KIF1B: variants seen among roughly 807,000 people sequenced by gnomAD.
KIF1B encodes kinesin-like protein KIF1B.
KIF1B carries 76 observed loss-of-function variants against 241.9 expected under a neutral mutation model. That is an observed-to-expected ratio of 0.31 (90% CI 0.26 to 0.38). KIF1B has a LOEUF of 0.38. Ranked by LOEUF, KIF1B falls within the 10% of genes least tolerant of loss-of-function variation. The pLI is 1.00. For synonymous variants in KIF1B, 750 were observed against 796.7 expected, an observed-to-expected ratio of 0.94 and a Z score of 0.99; for missense variants, 1,622 against 2,271.4, an observed-to-expected ratio of 0.71 and a Z score of 5.81.
Position 10,326,246 on chromosome 1 carries a change from G to A in KIF1B, c.2811G>A (p.Glu937=). 6.5e-7 allele frequency: 1 copy of A among 1,546,558 alleles called. No homozygotes were observed. Among genetic ancestry groups the A allele is most frequent in the Non-Finnish European group, 8.9e-7 (1 of 1,118,266 alleles). Residue 937 remains glutamate (E), a synonymous_variant, in exon 27 of 49, where the codon GAG becomes GAA. Transcript: ENST00000676179. The surrounding 1 kb of genome is among the most constrained non-coding windows in gnomAD (Gnocchi z 5.2). The stretch of plus-strand genomic sequence containing the variant: ...ATGAGATGGAGGATTTTGATGATGA[G>A]GCATTCGTGGATGACGCCGGCTCTG... ...QQDEMEDFDD[E]AFVDDAGSDA... is the part of the protein sequence containing the mutation.
intron 28 of KIF1B, among the ~76,000 whole-genome samples, chr1:10,334,865 T>A (rs2102312832): frequency 6.6e-6 from 1 of 152,270 alleles, no homozygotes; most frequent in East Asian, 1.9e-4. Flanking sequence ...TACTTTGCAA[T>A]AATGGGGTAA....
At chr1:10,331,094 C>CAA (rs57812252) in intron 27 of KIF1B, among the ~76,000 whole-genome samples, 57 of 129,000 alleles carry the variant, frequency 4.4e-4, no homozygotes, top group Middle Eastern at 4.1e-3. Flanking sequence ...AACCCCACCT[C>CAA]AAAAAAAAAA....
intron 37 of KIF1B, among the ~76,000 whole-genome samples, chr1:10,350,010 T>C (rs1322441953): frequency 1.3e-5 from 2 of 152,164 alleles, no homozygotes; most frequent in Admixed American, 1.3e-4. Context: ...ATATCTTGTG[T>C]CCAGGCACGG....
At chr1:10,231,054 T>A (rs2102126400) in intron 1 of KIF1B, 1 of 152,244 alleles carries the variant, frequency 6.6e-6, no homozygotes, top group East Asian at 1.9e-4. Context: ...CTACTAAAAA[T>A]ACAAAAATTA....
intron 2 of KIF1B, among the ~76,000 whole-genome samples, chr1:10,253,311 T>G (rs1647574594): frequency 6.6e-6 from 1 of 152,080 alleles, no homozygotes; most frequent in South Asian, 2.1e-4. Context: ...ATGGGGGTAA[T>G]GAAACATCTG....
rs1228982466 is a variant in KIF1B, at chr1:10,365,578, G to C, written c.4682G>C (p.Ser1561Thr). 5 of 1,614,008 alleles carry C rather than the reference G, an allele frequency of 3.1e-6. No individual in the cohort carries two copies. In the South Asian group the frequency reaches 5.5e-5, roughly 18 times the overall value. Residue 1561 changes from serine (S) to threonine (T), a missense_variant, in exon 43 of 49, where the codon AGC (serine) becomes ACC (threonine). Ser to Thr is a moderately conservative substitution (Grantham distance 58). This residue lies in a region of KIF1B where 357 missense variants were observed against 409.0 expected (regional missense o/e 0.87). Coordinates refer to ENST00000676179, the MANE Select transcript of KIF1B (RefSeq NM_001365951.3). This position sits in a 1 kb window ranked among gnomAD's most constrained non-coding sequence, Gnocchi z 4.0. ...ACCTTTGAAAGCGCCATCACACCTA[G>C]CGAGAGCAGTGGCTATGATTCAGGA... Reference protein sequence around the residue: ...TTTFESAITPSESSGYDSGDI... With the variant: ...TTTFESAITPTESSGYDSGDI...
intron 22 of KIF1B, among the ~76,000 whole-genome samples, chr1:10,316,886 T>G (rs1479196829): frequency 6.6e-6 from 1 of 151,660 alleles, no homozygotes. Context: ...CCATTTCTTC[T>G]GCATTTATTA....
chr1:10,373,612 T>C (rs145067910), intron 45 of KIF1B, among the ~76,000 whole-genome samples: 13 of 152,120 alleles, frequency 8.5e-5, no homozygotes, highest in Non-Finnish European at 1.8e-4. Flanking sequence ...TGAGATACAA[T>C]GCTATGTTAC....
At chr1:10,257,321 A>T (rs1421167554) in intron 3 of KIF1B, among the ~76,000 whole-genome samples, 3 of 151,784 alleles carry the variant, frequency 2.0e-5, no homozygotes, top group Non-Finnish European at 4.4e-5. Context: ...AAAAAAAAAA[A>T]AAATTAGGTG....
chr1:10,306,286 C>T lies in KIF1B; in HGVS notation c.2115+9040C>T, dbSNP rs145418516. The T allele has an allele frequency of 7.1e-4, 742 of 1,045,452 alleles. 6 individuals carry two copies. The highest frequency in any genetic ancestry group is 3.5e-3 in the Middle Eastern group (8 of 2,296). 64.8% of individuals were successfully genotyped at this position (1,045,452 alleles called of 1,614,324 possible). On this transcript the variant is annotated intron_variant, in intron 22 of 48. Transcript: ENST00000676179. ...ATGATGTCTGTAATGGGTTGAGTTA[C>T]TGAGATGACAATCTCCTGTGCCATT...
At chr1:10,364,974 C>A (rs530512243) in intron 41 of KIF1B, 126 bp from the exon 42 acceptor site, 1 of 808,278 alleles carries the variant, frequency 1.2e-6, no homozygotes, top group Non-Finnish European at 1.9e-6. Context: ...CCACTGCACT[C>A]CAGCCTGGGC....
chr1:10,341,121 TTCGAATTAC>T (rs1652375988), intron 32 of KIF1B, among the ~76,000 whole-genome samples: 1 of 152,264 alleles, frequency 6.6e-6, no homozygotes, highest in Non-Finnish European at 1.5e-5. Flanking sequence ...CCCAGTGAGC[TTCGAATTAC>T]GATAGGGGAA....
At chr1:10,352,828 C>G (rs540139998) in intron 38 of KIF1B, 92 bp downstream of exon 38, 2 of 890,800 alleles carry the variant, frequency 2.2e-6, no homozygotes, top group African/African-American at 1.6e-5. Context: ...ACTCCCAGTT[C>G]GGACAAAGAA....
rs1348202195 is a variant in KIF1B, at chr1:10,345,969, T to C, written c.3797+16T>C. 3 of 1,502,766 alleles carry C rather than the reference T, an allele frequency of 2.0e-6. No homozygotes were observed. Among genetic ancestry groups the C allele is most frequent in the Non-Finnish European group, 1.9e-6 (2 of 1,079,198 alleles). The allele number at this position is 1,502,766 out of a possible 1,614,324, so 93.1% of individuals were successfully genotyped here. A position where few individuals can be genotyped will look rare whatever the true frequency, so the allele number is the denominator to read the frequency against. On this transcript the variant is annotated intron_variant, in intron 35 of 48. Coordinates refer to ENST00000676179, the MANE Select transcript of KIF1B (RefSeq NM_001365951.3). ...CTACAGGAGAGTAAGTCCAACTTAA[T>C]AAATTTTTAAATAAGGCAAAATGTT...
chr1:10,358,160 A>T (rs1638311489), intron 38 of KIF1B, among the ~76,000 whole-genome samples: 1 of 151,648 alleles, frequency 6.6e-6, no homozygotes, highest in Non-Finnish European at 1.5e-5. Flanking sequence ...TGAAAGAAAA[A>T]TTTTTCCCTC....
intron 22 of KIF1B, among the ~76,000 whole-genome samples, 165 bp downstream of exon 22, chr1:10,297,411 T>G (rs1272405639): frequency 6.6e-6 from 1 of 152,186 alleles, no homozygotes; most frequent in African/African-American, 2.4e-5. Flanking sequence ...CCCGGTAGCC[T>G]TAGCCTGAAA....
chr1:10,278,822 A>T (rs1649254587), intron 13 of KIF1B: 3 of 400,780 alleles, frequency 7.5e-6, no homozygotes, highest in Non-Finnish European at 1.4e-5. Context: ...ATATGGTAGA[A>T]TATGGGTTAG....
chr1:10,222,931 G>A (rs1384081451), intron 1 of KIF1B, among the ~76,000 whole-genome samples: 1 of 152,182 alleles, frequency 6.6e-6, no homozygotes, highest in African/African-American at 2.4e-5. Context: ...TAATTATTAA[G>A]AAATGTTGTT....
chr1:10,319,653 A>G (rs1183991073), intron 22 of KIF1B, among the ~76,000 whole-genome samples: 2 of 152,116 alleles, frequency 1.3e-5, no homozygotes, highest in African/African-American at 4.8e-5. Context: ...AATCTTTTTC[A>G]ATATTGTTTT....
Sources: gnomAD v4.1 joint callset for allele counts (sites outside exome capture counted in the v4.1 genomes callset) on GRCh38, gnomAD v4.1.1 for gene constraint, gnomAD v4.1.1 regional missense constraint, Gnocchi (gnomAD v3.1) non-coding constraint, MANE v1.5 for transcripts, NCBI Gene and HGNC (gene_info 2026-07-23, HGNC 2026-07-21) for gene names.